NFU1: variants seen among roughly 807,000 people sequenced by gnomAD.
NFU1 encodes the protein NFU1 iron-sulfur cluster scaffold.
Under a neutral mutation model 32.2 loss-of-function variants are expected in NFU1, and 30 were observed. The ratio of observed to expected loss-of-function variants is 0.93; its 90% CI spans 0.70 to 1.26. The LOEUF (loss-of-function observed/expected upper bound fraction) is 1.26. Among genes scored for constraint, NFU1 ranks in the 50% most tolerant of loss-of-function variants. The pLI, the probability that NFU1 is intolerant of heterozygous loss-of-function variation, is 0.00. For synonymous variants in NFU1, 112 were observed against 104.6 expected, an observed-to-expected ratio of 1.07 and a Z score of -0.43; for missense variants, 306 against 306.6, an observed-to-expected ratio of 1.00 and a Z score of 0.02.
intron 4 of NFU1, among the ~76,000 whole-genome samples, chr2:69,415,628 G>T (rs1430660799): frequency 6.6e-6 from 1 of 151,990 alleles, no homozygotes; most frequent in African/African-American, 2.4e-5. Context: ...TTTTTGAAAT[G>T]GATATATTTC....
At chr2:69,397,187 C>A (rs1392367187) in intron 7 of NFU1, among the ~76,000 whole-genome samples, 1 of 151,606 alleles carries the variant, frequency 6.6e-6, no homozygotes, top group African/African-American at 2.4e-5. Context: ...GAAGCTATAC[C>A]AAATTGTTAT....
At chr2:69,439,425 G>T (rs1190048628), upstream of NFU1, among the ~76,000 whole-genome samples, 2 of 152,328 alleles carry the variant, frequency 1.3e-5, no homozygotes, top group Admixed American at 1.3e-4. Context: ...ACTGACTTCA[G>T]GAGTGAAGCT....
At chr2:69,421,768 T>C (rs1466457817) in intron 3 of NFU1, among the ~76,000 whole-genome samples, 1 of 151,706 alleles carries the variant, frequency 6.6e-6, no homozygotes, top group Non-Finnish European at 1.5e-5. Flanking sequence ...GGGGTTTCAC[T>C]GTTAGCCAGG....
At chr2:69,426,224 G>A (rs1049806694) in intron 2 of NFU1, among the ~76,000 whole-genome samples, 5 of 151,686 alleles carry the variant, frequency 3.3e-5, no homozygotes, top group African/African-American at 1.2e-4. Context: ...CATCCGCCTC[G>A]GCCTCCCAAA....
chr2:69,413,815 G>A (rs935280159), intron 5 of NFU1, among the ~76,000 whole-genome samples: 2 of 151,330 alleles, frequency 1.3e-5, no homozygotes, highest in African/African-American at 4.9e-5. Context: ...TTGGGAGGCC[G>A]AGGCAGGCGA....
chr2:69,435,245 C>T (rs901657273), intron 1 of NFU1, among the ~76,000 whole-genome samples: 1 of 152,102 alleles, frequency 6.6e-6, no homozygotes, highest in African/African-American at 2.4e-5. Context: ...GGCCCAAGCC[C>T]GGGAATGGGC....
At chr2:69,433,478 C>T (rs961396892) in intron 1 of NFU1, among the ~76,000 whole-genome samples, 3 of 150,692 alleles carry the variant, frequency 2.0e-5, no homozygotes, top group Admixed American at 6.6e-5. Flanking sequence ...CCACACCTGG[C>T]CCGTCTTTTT....
intron 3 of NFU1, among the ~76,000 whole-genome samples, chr2:69,422,132 T>C (rs1673266780): frequency 1.3e-5 from 2 of 152,034 alleles, no homozygotes; most frequent in South Asian, 4.1e-4. Flanking sequence ...AAGTGATCAA[T>C]GATGCAGCGA....
intron 5 of NFU1, among the ~76,000 whole-genome samples, chr2:69,408,149 T>C (rs1672760905): frequency 6.6e-6 from 1 of 152,172 alleles, no homozygotes. Flanking sequence ...ATAACTATCA[T>C]TTTAGTTTAT....
chr2:69,414,713 AAAC>A (rs1451737372), intron 5 of NFU1, among the ~76,000 whole-genome samples: 3 of 152,034 alleles, frequency 2.0e-5, no homozygotes, highest in African/African-American at 7.2e-5. Context: ...GTATAGTATA[AAAC>A]AAAACAAGTT....
chr2:69,418,427 A>C (rs1212754801), intron 4 of NFU1, among the ~76,000 whole-genome samples: 1 of 152,066 alleles, frequency 6.6e-6, no homozygotes, highest in Non-Finnish European at 1.5e-5. Flanking sequence ...AGAATACTGG[A>C]CTAGATGACT....
At position 69,406,018 on chromosome 2, in the gene NFU1, G is replaced by A. The variant is rs371601286; in HGVS notation, c.545+4C>T. 130 of 1,577,290 alleles carry A rather than the reference G, an allele frequency of 8.2e-5. No homozygotes were observed. The highest frequency in any genetic ancestry group is 1.1e-4 in the Non-Finnish European group (121 of 1,147,588). ...TGAATTCAGGTAGAGAGAGGAGCAC[G>A]TACCGTATTCTAGTATCTAACAATT... On this transcript the variant is annotated splice_donor_region_variant and intron_variant, in intron 6 of 7. Transcript: ENST00000410022.
chr2:69,406,178 T>C (rs1402419720), intron 5 of NFU1, 96 bp from the exon 6 acceptor site: 3 of 745,788 alleles, frequency 4.0e-6, no homozygotes, highest in East Asian at 5.0e-5. Flanking sequence ...ACATGGTTCA[T>C]TAAAAACATA....
intron 4 of NFU1, among the ~76,000 whole-genome samples, chr2:69,417,579 GAGTT>G (rs1462646870): frequency 6.6e-6 from 1 of 152,098 alleles, no homozygotes; most frequent in Non-Finnish European, 1.5e-5. Context: ...TTGAGCCTGG[GAGTT>G]AGTGGTTGCA....
At chr2:69,430,598 A>C (rs1673607243) in intron 2 of NFU1, among the ~76,000 whole-genome samples, 1 of 152,188 alleles carries the variant, frequency 6.6e-6, no homozygotes, top group African/African-American at 2.4e-5. Context: ...GTGGTGCTTA[A>C]AGTCAATATC....
intron 4 of NFU1, among the ~76,000 whole-genome samples, chr2:69,418,132 G>C (rs1359286169): frequency 6.6e-6 from 1 of 152,180 alleles, no homozygotes; most frequent in Non-Finnish European, 1.5e-5. Flanking sequence ...GGACGTGGTG[G>C]TTCACACCGG....
intron 3 of NFU1, among the ~76,000 whole-genome samples, chr2:69,421,145 A>C (rs1673225441): frequency 6.6e-6 from 1 of 152,124 alleles, no homozygotes; most frequent in Non-Finnish European, 1.5e-5. Context: ...TGGAGGTTGC[A>C]GTGAGCCAAG....
chr2:69,400,602 A>C, intron 6 of NFU1, 64 bp from the exon 7 acceptor site: 4 of 1,420,076 alleles, frequency 2.8e-6, no homozygotes, highest in Non-Finnish European at 4.0e-6. Flanking sequence ...GAAAAAATTT[A>C]ATACAGCTCA....
intron 5 of NFU1, among the ~76,000 whole-genome samples, chr2:69,407,773 G>A (rs1672746903): frequency 6.6e-6 from 1 of 151,830 alleles, no homozygotes. Context: ...AGCACTTTGG[G>A]AGGCTGAGGC....
Sources: gnomAD v4.1 joint callset for allele counts (sites outside exome capture counted in the v4.1 genomes callset) on GRCh38, gnomAD v4.1.1 for gene constraint, MANE v1.5 for transcripts, NCBI Gene and HGNC (gene_info 2026-07-23, HGNC 2026-07-21) for gene names.